The following CRB1 variants were observed in gnomAD, a reference collection of about 807,000 sequenced individuals.
CRB1 encodes the protein crumbs cell polarity complex component 1, also known as protein crumbs homolog 1.
CRB1 carries 83 observed loss-of-function variants against 120.0 expected under a neutral mutation model. That is an observed-to-expected ratio of 0.69 (90% CI 0.58 to 0.83). CRB1 has a LOEUF of 0.83. Among genes scored for constraint, CRB1 ranks in the 40% least tolerant of loss-of-function variants. The probability of loss-of-function intolerance (pLI) is 0.00; values close to 1 mark genes in which losing one functional copy is unlikely to be tolerated. For synonymous variants in CRB1, 625 were observed against 612.5 expected (o/e 1.02, Z -0.30); for missense variants, 1,699 against 1,687.6 (o/e 1.01, Z -0.12).
intron 11 of CRB1, among the ~76,000 whole-genome samples, chr1:197,453,550 AC>A (rs1459045093): frequency 5.3e-5 from 4 of 75,374 alleles, no homozygotes; most frequent in African/African-American, 8.9e-5. Flanking sequence ...AGAGAGAGAG[AC>A]AGAGAGAGAG....
chr1:197,432,382 AC>A, intron 8 of CRB1, among the ~76,000 whole-genome samples: 1 of 151,320 alleles, frequency 6.6e-6, no homozygotes, highest in Non-Finnish European at 1.5e-5. Flanking sequence ...ACACACACAC[AC>A]ACACACACAC....
intron 7 of CRB1, 41 bp from the exon 8 acceptor site, chr1:197,429,408 T>C (rs773259376): frequency 8.1e-6 from 13 of 1,608,112 alleles, no homozygotes; most frequent in Non-Finnish European, 1.0e-5. Context: ...TTCTATTTAG[T>C]TGCCAGTGCT....
chr1:197,368,277 A>C (rs944961382), intron 5 of CRB1, among the ~76,000 whole-genome samples: 2 of 152,196 alleles, frequency 1.3e-5, no homozygotes. Flanking sequence ...GATATTTGAT[A>C]TGCATAAATA....
intron 1 of CRB1, among the ~76,000 whole-genome samples, chr1:197,269,119 A>C (rs901398019): frequency 3.9e-5 from 6 of 152,234 alleles, no homozygotes; most frequent in African/African-American, 1.4e-4. Context: ...GCAGGATGGA[A>C]AATCAGAGGA....
rs111459265 is a variant in CRB1 at position 197,296,450 on chromosome 1, G to T, written c.70+27968G>T. Among the ~76,000 whole-genome samples, 474 of 152,194 alleles carry T rather than the reference G, an allele frequency of 3.1e-3. 1 individual carries two copies. Among genetic ancestry groups the T allele is most frequent in the African/African-American group, 0.011 (452 of 41,550 alleles). On this transcript the variant is annotated intron_variant, in intron 1 of 11. Transcript: ENST00000367400. Reference sequence around the variant, plus strand: ...AATTTCTACTTGTGTTATCCAACTAGATCACTGAATTTCCTTCATATTTTC... The same window carrying T: ...AATTTCTACTTGTGTTATCCAACTATATCACTGAATTTCCTTCATATTTTC...
intron 5 of CRB1, among the ~76,000 whole-genome samples, chr1:197,387,398 G>A (rs975007093): frequency 6.6e-6 from 1 of 152,026 alleles, no homozygotes; most frequent in Non-Finnish European, 1.5e-5. Context: ...AGAGAGGCAT[G>A]TTTTCCTCTG....
intron 5 of CRB1, among the ~76,000 whole-genome samples, chr1:197,365,626 C>T (rs865869993): frequency 7.0e-4 from 85 of 121,840 alleles, no homozygotes; most frequent in Middle Eastern, 4.3e-3. Flanking sequence ...TCTTCTTCTT[C>T]TTTTTTTTTT....
At chr1:197,472,131 A>G (rs1667008679) in intron 11 of CRB1, among the ~76,000 whole-genome samples, 1 of 152,252 alleles carries the variant, frequency 6.6e-6, no homozygotes. Context: ...ACACACAGAC[A>G]CAACTAGTTT....
intron 4 of CRB1, among the ~76,000 whole-genome samples, chr1:197,352,483 T>C (rs1222063871): frequency 6.6e-6 from 1 of 152,212 alleles, no homozygotes; most frequent in African/African-American, 2.4e-5. Context: ...CTTTCTTCAA[T>C]AAGTCCATTG....
At chr1:197,223,114 A>T in the CRB1 span, 2 of 828,020 alleles carry the variant, frequency 2.4e-6, no homozygotes, top group South Asian at 2.7e-5. Flanking sequence ...TTGAATATTC[A>T]GTGATTTTCA....
At chr1:197,351,626 A>G (rs867566913) in intron 4 of CRB1, among the ~76,000 whole-genome samples, 58 of 152,316 alleles carry the variant, frequency 3.8e-4, no homozygotes, top group African/African-American at 1.4e-3. Context: ...ATCAAAGAAA[A>G]TAACACTAAA....
In CRB1 at chr1:197,442,176, G is replaced by T. The variant is rs1363284865; in HGVS notation, c.3889G>T (p.Asp1297Tyr). 1 of 1,614,104 alleles carries T rather than the reference G, an allele frequency of 6.2e-7. No homozygotes were observed. Among genetic ancestry groups the T allele is most frequent in the South Asian group, 1.1e-5 (1 of 91,078 alleles). ...CTGTTTATTTTGAAGGTGTGAAAAG[G>T]ACATTGATGAGTGTGCCTCTGATCC... ...PGFTGEWCEKDIDECASDPCV... is the reference protein window; with the variant it reads ...PGFTGEWCEKYIDECASDPCV... The change falls in exon 11 of 12, where the codon GAC becomes TAC. Residue 1297 changes from aspartate to tyrosine, a missense_variant. Transcript: ENST00000367400.
At chr1:197,465,944 A>G (rs910983120) in intron 11 of CRB1, among the ~76,000 whole-genome samples, 1 of 152,228 alleles carries the variant, frequency 6.6e-6, no homozygotes, top group African/African-American at 2.4e-5. Flanking sequence ...AAGGACTTCA[A>G]TGACAAGCTG....
At chr1:197,282,176 G>T (rs1655559128) in intron 1 of CRB1, among the ~76,000 whole-genome samples, 1 of 151,114 alleles carries the variant, frequency 6.6e-6, no homozygotes, top group South Asian at 2.1e-4. Context: ...TCACATAATT[G>T]AATTTAAAAT....
chr1:197,347,218 G>A, intron 3 of CRB1, 122 bp from the exon 4 acceptor site: 2 of 857,928 alleles, frequency 2.3e-6, no homozygotes, highest in Non-Finnish European at 2.0e-6. Context: ...ATTCCCCAGA[G>A]TTTTTGAGGT....
At chr1:197,371,189 C>A (rs921520849) in intron 5 of CRB1, among the ~76,000 whole-genome samples, 1 of 152,130 alleles carries the variant, frequency 6.6e-6, no homozygotes, top group Admixed American at 6.5e-5. Context: ...CTTGCATATA[C>A]CTTCGGCTCA....
At chr1:197,339,309 C>CTG in intron 2 of CRB1, among the ~76,000 whole-genome samples, 1 of 152,258 alleles carries the variant, frequency 6.6e-6, no homozygotes, top group Middle Eastern at 3.4e-3. Context: ...GGAGAACTTA[C>CTG]TGTAAATCTA....
chr1:197,410,445 G>A (rs1463127955), intron 5 of CRB1, among the ~76,000 whole-genome samples: 5 of 152,168 alleles, frequency 3.3e-5, no homozygotes, highest in Non-Finnish European at 7.3e-5. Flanking sequence ...TTGTGGACAT[G>A]ATGAAATCTA....
intron 1 of CRB1, among the ~76,000 whole-genome samples, chr1:197,284,764 G>T (rs145837779): frequency 2.0e-5 from 3 of 151,812 alleles, no homozygotes; most frequent in African/African-American, 7.2e-5. Flanking sequence ...CATTGAATTT[G>T]TTTTTTCAAA....
Sources: allele counts gnomAD v4.1 joint callset (sites outside exome capture counted in the v4.1 genomes callset), GRCh38; gene constraint gnomAD v4.1.1; transcripts MANE v1.5; gene names NCBI Gene and HGNC (gene_info 2026-07-23, HGNC 2026-07-21).